The following DNAH6 variants were observed in gnomAD, a reference collection of about 807,000 sequenced individuals.
DNAH6 encodes the protein dynein axonemal heavy chain 6, also known as axonemal beta dynein heavy chain 6.
In DNAH6, 340 loss-of-function variants were observed where a neutral mutation model predicts 491.4. The ratio of observed to expected loss-of-function variants is 0.69; its 90% CI spans 0.63 to 0.76. The LOEUF is 0.76. Among genes scored for constraint, DNAH6 ranks in the 30% least tolerant of loss-of-function variants. DNAH6 has a pLI of 0.00. For missense variants in DNAH6, 4,443 were observed against 4,972.2 expected (o/e 0.89, Z 3.20); for synonymous variants, 1,603 against 1,686.1 (o/e 0.95, Z 1.21).
intron 18 of DNAH6, among the ~76,000 whole-genome samples, chr2:84,598,868 A>G (rs1573164971): frequency 6.6e-6 from 1 of 152,140 alleles, no homozygotes; most frequent in South Asian, 2.1e-4. Context: ...CGTCTCTACT[A>G]AAAATACAAA....
chr2:84,743,362 G>A (rs1234037118), intron 62 of DNAH6, among the ~76,000 whole-genome samples: 1 of 152,176 alleles, frequency 6.6e-6, no homozygotes, highest in Non-Finnish European at 1.5e-5. Context: ...ATGAAGGTTT[G>A]TACATAGTTT....
At position 84,744,511 on chromosome 2, in the gene DNAH6, G is replaced by A. The variant is rs186307988; in HGVS notation, c.10343-569G>A. 5.9e-5 allele frequency among the ~76,000 whole-genome samples: 9 copies of A among 152,258 alleles called. No individual in the cohort carries two copies. In the East Asian group the frequency reaches 1.5e-3, roughly 26 times the overall value. Reference sequence around the variant, plus strand: ...TAGGGCATAATGTAAATATGTCAACGTATTCAGCTATTATTTATAGTGTTT... The same window carrying A: ...TAGGGCATAATGTAAATATGTCAACATATTCAGCTATTATTTATAGTGTTT... On this transcript the variant is annotated intron_variant, in intron 62 of 76. Transcript: ENST00000389394.
At chr2:84,478,157 A>G in the DNAH6 span, among the ~76,000 whole-genome samples, 35 of 152,338 alleles carry the variant, frequency 2.3e-4, no homozygotes, top group African/African-American at 7.5e-4. Flanking sequence ...TTTAGGGAAG[A>G]TGGTACAACA....
At chr2:84,714,815 T>C (rs1407235903) in intron 57 of DNAH6, among the ~76,000 whole-genome samples, 1 of 151,300 alleles carries the variant, frequency 6.6e-6, no homozygotes, top group East Asian at 2.0e-4. Context: ...GTCAATCATC[T>C]CTAAAAAGAG....
Position 84,595,515 on chromosome 2 carries a change from TTAATAAG to T in DNAH6, c.2725-127_2725-121del, listed in dbSNP as rs1229511749. The T allele has an allele frequency of 3.8e-6, 3 of 799,644 alleles. No individual in the cohort carries two copies. The African/African-American group carries it at 5.2e-5, about 14-fold the overall frequency. 49.5% of individuals were successfully genotyped at this position (799,644 alleles called of 1,614,324 possible). A position where few individuals can be genotyped will look rare whatever the true frequency, so the allele number is the denominator to read the frequency against. ...CTGGATATATAATGTTATTAGCAAT[TTAATAAG>T]TAAAGCCATTTCCAAAAGCATAGTG... On this transcript the variant is annotated intron_variant, in intron 17 of 76. Transcript: ENST00000389394.
intron 58 of DNAH6, among the ~76,000 whole-genome samples, chr2:84,717,314 T>C (rs2104905260): frequency 6.6e-6 from 1 of 152,342 alleles, no homozygotes; most frequent in Middle Eastern, 3.4e-3. Context: ...ATTTAAACAA[T>C]TGAATTTGAG....
intron 67 of DNAH6, among the ~76,000 whole-genome samples, chr2:84,786,025 TA>T: frequency 6.6e-6 from 1 of 152,258 alleles, no homozygotes; most frequent in South Asian, 2.1e-4. Flanking sequence ...AAGCACAAAA[TA>T]GATTTCCTCA....
intron 45 of DNAH6, among the ~76,000 whole-genome samples, 158 bp from the exon 46 acceptor site, chr2:84,694,091 A>G (rs1162847299): frequency 6.6e-6 from 1 of 152,252 alleles, no homozygotes; most frequent in African/African-American, 2.4e-5. Context: ...AGTGCTGTTC[A>G]CCAAACCCTG....
the DNAH6 span, among the ~76,000 whole-genome samples, chr2:84,509,061 A>T: frequency 6.6e-6 from 1 of 152,042 alleles, no homozygotes; most frequent in African/African-American, 2.4e-5. Context: ...TGGGGTGGAG[A>T]GTTCTGTAGA....
intron 64 of DNAH6, among the ~76,000 whole-genome samples, chr2:84,776,762 A>G (rs1676162486): frequency 6.6e-6 from 1 of 152,268 alleles, no homozygotes; most frequent in Admixed American, 6.5e-5. Context: ...CCAAAGGATT[A>G]TAAATCATGC....
chr2:84,568,845 T>C (rs920115436), intron 11 of DNAH6, among the ~76,000 whole-genome samples: 1 of 152,170 alleles, frequency 6.6e-6, no homozygotes, highest in African/African-American at 2.4e-5. Flanking sequence ...AAAACTGAGA[T>C]ATAATTTCTC....
At chr2:84,730,321 C>T (rs1167768675) in intron 61 of DNAH6, among the ~76,000 whole-genome samples, 3 of 152,174 alleles carry the variant, frequency 2.0e-5, no homozygotes, top group Admixed American at 6.5e-5. Flanking sequence ...TACACAAAGC[C>T]TCAAGCATCT....
At chr2:84,513,181 G>T (rs1675401510), upstream of DNAH6, among the ~76,000 whole-genome samples, 1 of 151,448 alleles carries the variant, frequency 6.6e-6, no homozygotes, top group African/African-American at 2.4e-5. Flanking sequence ...AATTAATTAA[G>T]TTTTTCTTCC....
the DNAH6 span, among the ~76,000 whole-genome samples, chr2:84,511,000 C>A: frequency 6.6e-6 from 1 of 152,172 alleles, no homozygotes; most frequent in Admixed American, 6.5e-5. Flanking sequence ...GGGTGCCTCC[C>A]AGTTGGGCTA....
At chr2:84,593,635 T>G (rs182496232) in intron 16 of DNAH6, among the ~76,000 whole-genome samples, 176 of 152,332 alleles carry the variant, frequency 1.2e-3, no homozygotes, top group Non-Finnish European at 2.2e-3. Context: ...ACTCATCTGC[T>G]TTCCCTAGAA....
At chr2:84,755,467 A>G (rs1315716148) in intron 63 of DNAH6, among the ~76,000 whole-genome samples, 1 of 152,186 alleles carries the variant, frequency 6.6e-6, no homozygotes, top group Non-Finnish European at 1.5e-5. Context: ...CTCCCTTCTC[A>G]TTACTACTGT....
chr2:84,618,185 A>G (rs928501246), intron 23 of DNAH6, among the ~76,000 whole-genome samples: 3 of 152,150 alleles, frequency 2.0e-5, no homozygotes, highest in South Asian at 2.1e-4. Flanking sequence ...TAGAGGCAGA[A>G]GAAGGGAAGA....
the DNAH6 span, among the ~76,000 whole-genome samples, chr2:84,477,988 T>C: frequency 4.6e-5 from 7 of 152,184 alleles, no homozygotes; most frequent in African/African-American, 1.4e-4. Context: ...TTGTCCCCAG[T>C]GTACTTGTAT....
At chr2:84,651,330 A>G (rs1185832301) in intron 33 of DNAH6, among the ~76,000 whole-genome samples, 1 of 152,208 alleles carries the variant, frequency 6.6e-6, no homozygotes, top group Non-Finnish European at 1.5e-5. Context: ...GGATGAAAGT[A>G]CATCCCTATT....
Sources: allele counts gnomAD v4.1 joint callset (sites outside exome capture counted in the v4.1 genomes callset), GRCh38; gene constraint gnomAD v4.1.1; transcripts MANE v1.5; gene names NCBI Gene and HGNC (gene_info 2026-07-23, HGNC 2026-07-21).